ZNF211: variants seen among roughly 807,000 people sequenced by gnomAD.
ZNF211 encodes the protein zinc finger protein 211, also known as zinc finger protein C2H2-25.
ZNF211 carries 18 observed loss-of-function variants against 12.1 expected under a neutral mutation model. That is an observed-to-expected ratio of 1.48 (90% CI 1.03 to 2.20). ZNF211 has a LOEUF of 2.20. Among genes scored for constraint, ZNF211 ranks in the 30% most tolerant of loss-of-function variants. The pLI is 0.00. For synonymous variants in ZNF211, 249 were observed against 246.0 expected (o/e 1.01, Z -0.11); for missense variants, 677 against 703.1 (o/e 0.96, Z 0.42).
chr19:57,640,679 T>G, intron 3 of ZNF211, 25 bp from the exon 4 acceptor site: 2 of 1,606,534 alleles, frequency 1.2e-6, no homozygotes, highest in Non-Finnish European at 1.7e-6. Context: ...TAACATGTAC[T>G]TCACCATGAT....
At chr19:57,639,523 G>A (rs1162379454) in intron 3 of ZNF211, among the ~76,000 whole-genome samples, 4 of 142,492 alleles carry the variant, frequency 2.8e-5, no homozygotes, top group Non-Finnish European at 6.0e-5. Flanking sequence ...ATAATCAAGC[G>A]ATTATCCTGC....
At chr19:57,633,665 T>C in intron 1 of ZNF211, 1 of 1,534,250 alleles carries the variant, frequency 6.5e-7, no homozygotes, top group Non-Finnish European at 8.7e-7. Flanking sequence ...GGCTCCACAT[T>C]GTTACTGCAG....
chr19:57,635,536 C>G (rs60168262), intron 3 of ZNF211, among the ~76,000 whole-genome samples: 7,858 of 152,316 alleles, frequency 0.052, 247 homozygotes, highest in South Asian at 0.098. Flanking sequence ...AGCATAATAT[C>G]TTCAAGATTC....
rs780687649 is a variant in ZNF211, at chr19:57,642,463, A to G, written c.*282A>G. On this transcript the variant is annotated 3_prime_UTR_variant, in exon 4 of 4. Coordinates refer to ENST00000240731, the MANE Select transcript of ZNF211 (RefSeq NM_006385.5). ...CTGTGAGGTCCACACAGTGTGTATCATTTACCTCCTGAACCTGCTCAAGGA... is the reference window on the plus strand; with the variant it reads ...CTGTGAGGTCCACACAGTGTGTATCGTTTACCTCCTGAACCTGCTCAAGGA... The G allele has an allele frequency of 2.0e-5, 7 of 350,784 alleles. No homozygotes were observed. The highest frequency in any genetic ancestry group is 3.1e-5 in the Non-Finnish European group (6 of 191,768). The allele number at this position is 350,784 out of a possible 1,614,324, so 21.7% of individuals were successfully genotyped here.
At chr19:57,633,663 A>G (rs1981738592) in intron 1 of ZNF211, 4 of 1,534,262 alleles carry the variant, frequency 2.6e-6, no homozygotes, top group South Asian at 2.4e-5. Flanking sequence ...TGGGCTCCAC[A>G]TTGTTACTGC....
intron 3 of ZNF211, 191 bp downstream of exon 3, chr19:57,634,946 T>G: frequency 1.0e-6 from 1 of 985,454 alleles, no homozygotes; most frequent in Non-Finnish European, 1.2e-6. Flanking sequence ...TGGGTAAGGA[T>G]TTGGGATCAG....
intron 2 of ZNF211, chr19:57,634,367 G>C (rs1981870701): frequency 4.3e-6 from 2 of 469,888 alleles, no homozygotes; most frequent in Non-Finnish European, 7.2e-6. Context: ...TTTCTGTGAA[G>C]TTTGGCATCT....
chr19:57,635,020 A>G, intron 3 of ZNF211: 1 of 949,584 alleles, frequency 1.1e-6, no homozygotes, highest in Non-Finnish European at 1.3e-6. Context: ...GTGACTTTCT[A>G]GATCTATGGC....
intron 3 of ZNF211, among the ~76,000 whole-genome samples, chr19:57,639,355 CT>C (rs541121788): frequency 0.23 from 8,068 of 34,674 alleles, 788 homozygotes; most frequent in East Asian, 0.41. Flanking sequence ...GTTTGGCTCA[CT>C]TTTTTTTTTT....
At position 57,641,773 on chromosome 19, in the gene ZNF211, A is replaced by G; in HGVS notation, c.1326A>G (p.Lys442=). The G allele has an allele frequency of 6.2e-7, 1 of 1,614,024 alleles. No homozygotes were observed. ...HTGERPYECS[K]CGKSFKQSSS... The stretch of plus-strand genomic sequence containing the variant: ...GAGAAAGACCCTATGAGTGCAGTAA[A>G]TGTGGGAAGTCATTTAAGCAAAGCT... Residue 442 remains lysine (K), a synonymous_variant, in exon 4 of 4, where the codon AAA becomes AAG. Transcript: ENST00000240731.
chr19:57,633,281 A>G lies in ZNF211; in HGVS notation c.-66A>G. 1.4e-6 allele frequency: 2 copies of G among 1,403,956 alleles called. No individual in the cohort carries two copies. The highest frequency in any genetic ancestry group is 1.4e-5 in the African/African-American group (1 of 69,078). 87.0% of individuals were successfully genotyped at this position (1,403,956 alleles called of 1,614,324 possible). A position where few individuals can be genotyped will look rare whatever the true frequency, so the allele number is the denominator to read the frequency against. ...ATCGGGATCGAAGTGACGGACCGTGAAGGCGCGAGAGTCAGGTCTGAGGGT... is the reference window on the plus strand; with the variant it reads ...ATCGGGATCGAAGTGACGGACCGTGGAGGCGCGAGAGTCAGGTCTGAGGGT... On this transcript the variant is annotated 5_prime_UTR_variant, in exon 1 of 4. Coordinates refer to ENST00000240731, the MANE Select transcript of ZNF211 (RefSeq NM_006385.5).
In ZNF211 at chr19:57,640,988, G is replaced by A; in HGVS notation, c.541G>A (p.Asp181Asn). Residue 181 changes from aspartate (D) to asparagine (N), a missense_variant, in exon 4 of 4, where the codon GAC becomes AAC. Physicochemically the swap from Asp to Asn is conservative, Grantham distance 23. Transcript: ENST00000240731. The stretch of plus-strand genomic sequence containing the variant: ...AGAGGCACCTTTCAGAAGTTATGTG[G>A]ACACTGCCTCGTTTACACAGAGTTG... ...ITEAPFRSYV[D>N]TASFTQSCIV... 2 of 1,614,198 alleles carry A rather than the reference G, an allele frequency of 1.2e-6. No homozygotes were observed. Among genetic ancestry groups the A allele is most frequent in the Non-Finnish European group, 1.7e-6 (2 of 1,180,044 alleles).
intron 3 of ZNF211, among the ~76,000 whole-genome samples, chr19:57,637,861 G>A (rs1982337291): frequency 6.6e-6 from 1 of 151,458 alleles, no homozygotes; most frequent in African/African-American, 2.4e-5. Flanking sequence ...CATCTGTGAA[G>A]CCATCAAGTC....
At position 57,633,222 on chromosome 19, in the gene ZNF211, T is replaced by G; in HGVS notation, c.-125T>G. The G allele has an allele frequency of 1.0e-6, 1 of 965,752 alleles. No homozygotes were observed. The highest frequency in any genetic ancestry group is 1.4e-6 in the Non-Finnish European group (1 of 694,208). The allele number at this position is 965,752 out of a possible 1,614,324, so 59.8% of individuals were successfully genotyped here. ...GTCATTTTGGCTGCCCTCCCGGAGG[T>G]CCGTTCTGTCTGTCAGCCGCTTTGG... On this transcript the variant is annotated 5_prime_UTR_variant, in exon 1 of 4. Transcript: ENST00000240731.
chr19:57,638,601 A>G (rs1034146152), intron 3 of ZNF211, among the ~76,000 whole-genome samples: 1 of 152,192 alleles, frequency 6.6e-6, no homozygotes, highest in African/African-American at 2.4e-5. Context: ...GATACTTTGT[A>G]TGATGTGTGT....
chr19:57,637,660 TG>T (rs1466183259), intron 3 of ZNF211, among the ~76,000 whole-genome samples: 1 of 152,210 alleles, frequency 6.6e-6, no homozygotes, highest in African/African-American at 2.4e-5. Context: ...AGTGTTTGGT[TG>T]ATGGTTTTTG....
intron 3 of ZNF211, 95 bp from the exon 4 acceptor site, chr19:57,640,609 A>T: frequency 1.3e-6 from 2 of 1,488,100 alleles, no homozygotes; most frequent in Non-Finnish European, 1.8e-6. Context: ...AGGCCCATAT[A>T]CTGGTTCTTT....
rs1331600428 is a variant in ZNF211, at chr19:57,644,030, G to C, written c.*1849G>C. Among the ~76,000 whole-genome samples, 1 of 152,072 alleles carries C rather than the reference G, an allele frequency of 6.6e-6. No individual in the cohort carries two copies. Among genetic ancestry groups the C allele is most frequent in the Non-Finnish European group, 1.5e-5 (1 of 68,016 alleles). ...AGTTTTGGCTATTACAAATAAAGCT[G>C]CTAGAAATGTACAATTCTTCATATG... is the stretch of plus-strand genomic sequence containing the variant. On this transcript the variant is annotated 3_prime_UTR_variant, in exon 4 of 4. Transcript: ENST00000240731.
chr19:57,633,579 G>A, intron 1 of ZNF211, 143 bp downstream of exon 1: 1 of 1,512,644 alleles, frequency 6.6e-7, no homozygotes, highest in South Asian at 1.2e-5. Context: ...CGATGTGGTG[G>A]GCAGGGGGAC....
Sources: gnomAD v4.1 joint callset for allele counts (sites outside exome capture counted in the v4.1 genomes callset) on GRCh38, gnomAD v4.1.1 for gene constraint, MANE v1.5 for transcripts, NCBI Gene and HGNC (gene_info 2026-07-23, HGNC 2026-07-21) for gene names.